FER: variants seen among roughly 807,000 people sequenced by gnomAD.
The protein encoded by FER is FER tyrosine kinase, also known as tyrosine-protein kinase Fer.
A neutral mutation model predicts 111.0 loss-of-function variants in FER; 63 were observed. The ratio of observed to expected loss-of-function variants is 0.57; its 90% CI spans 0.46 to 0.70. The LOEUF (loss-of-function observed/expected upper bound fraction) is 0.70. Ranked by LOEUF, FER falls within the 30% of genes least tolerant of loss-of-function variation. FER has a pLI of 0.00. For synonymous variants in FER, 327 were observed against 313.9 expected (o/e 1.04, Z -0.44); for missense variants, 914 against 954.0 (o/e 0.96, Z 0.55).
chr5:109,094,227 C>T (rs561927055), intron 16 of FER, among the ~76,000 whole-genome samples: 4 of 150,168 alleles, frequency 2.7e-5, no homozygotes, highest in Admixed American at 1.3e-4. Flanking sequence ...TCTGGTGCTA[C>T]AAAAACAGAG....
chr5:109,106,546 C>T (rs891592063), intron 17 of FER, among the ~76,000 whole-genome samples: 7 of 151,808 alleles, frequency 4.6e-5, no homozygotes, highest in African/African-American at 1.7e-4. Flanking sequence ...AGCTTTGAAA[C>T]CAATTTTGCT....
In FER at chr5:108,988,283, T is replaced by TATTAGGA. The variant is rs552035490; in HGVS notation, c.1656+28937_1656+28943dup. On this transcript the variant is annotated intron_variant, in intron 13 of 19. Coordinates refer to ENST00000281092, the MANE Select transcript of FER (RefSeq NM_005246.4). ...TTGCTCTGTCCTTTTCTGATTTTGA[T>TATTAGGA]ATTAGGATGATATTGGCTTCATAGA... Among the ~76,000 whole-genome samples the TATTAGGA allele has an allele frequency of 4.5e-3, 688 of 152,288 alleles. 3 individuals carry two copies. Among genetic ancestry groups the TATTAGGA allele is most frequent in the African/African-American group, 0.016 (653 of 41,568 alleles).
At position 108,760,412 on chromosome 5, in the gene FER, C is replaced by T. The variant is rs377400405; in HGVS notation, c.-205-7681C>T. On this transcript the variant is annotated intron_variant, in intron 1 of 19. Coordinates refer to ENST00000281092, the MANE Select transcript of FER (RefSeq NM_005246.4). ...TCTGTCCTTTGAAGCTTTGAAGTCA[C>T]GCATTAACTTTTCTTCTGTAGCTAT... Among the ~76,000 whole-genome samples, 47 of 152,296 alleles carry T rather than the reference C, an allele frequency of 3.1e-4. 1 individual carries two copies. Among genetic ancestry groups the T allele is most frequent in the Middle Eastern group, 3.4e-3 (1 of 294 alleles).
intron 12 of FER, among the ~76,000 whole-genome samples, chr5:108,955,285 T>C (rs1432876784): frequency 6.6e-6 from 1 of 151,770 alleles, no homozygotes; most frequent in Non-Finnish European, 1.5e-5. Context: ...ATGAAACTTA[T>C]ACTTTTGAAA....
intron 3 of FER, among the ~76,000 whole-genome samples, chr5:108,829,698 A>T (rs1209294619): frequency 6.6e-6 from 1 of 151,688 alleles, no homozygotes; most frequent in Non-Finnish European, 1.5e-5. Flanking sequence ...TTTATTCTAC[A>T]TTCCTCCTTC....
intron 13 of FER, among the ~76,000 whole-genome samples, chr5:108,979,662 T>A (rs1178635232): frequency 6.6e-6 from 1 of 152,198 alleles, no homozygotes; most frequent in African/African-American, 2.4e-5. Context: ...ACAATAGAAG[T>A]TTCTCTCTGT....
At chr5:108,920,270 T>C (rs1225168967) in intron 10 of FER, among the ~76,000 whole-genome samples, 1 of 152,116 alleles carries the variant, frequency 6.6e-6, no homozygotes, top group Admixed American at 6.5e-5. Context: ...CCAAAAGTTA[T>C]CACCCTGCAA....
intron 8 of FER, among the ~76,000 whole-genome samples, chr5:108,882,537 G>T (rs1428436130): frequency 1.3e-5 from 2 of 151,502 alleles, no homozygotes; most frequent in African/African-American, 4.8e-5. Flanking sequence ...ATATTAGTTT[G>T]TCTTTTTTCT....
chr5:108,867,891 C>G lies in FER; in HGVS notation c.606C>G (p.Ile202Met). The G allele has an allele frequency of 6.2e-7, 1 of 1,613,102 alleles. No individual in the cohort carries two copies. Among genetic ancestry groups the G allele is most frequent in the Non-Finnish European group, 8.5e-7 (1 of 1,179,428 alleles). ...AQLHQNQYYD[I>M]TLPLLLDSLQ... is the part of the protein sequence containing the mutation. ...TCCATCAGAATCAGTATTATGATAT[C>G]ACACTTCCCCTGCTTCTGGACTCCT... Residue 202 changes from isoleucine to methionine, a missense_variant, in exon 6 of 20, where the codon ATC (isoleucine) becomes ATG (methionine). Coordinates refer to ENST00000281092, the MANE Select transcript of FER (RefSeq NM_005246.4).
intron 17 of FER, among the ~76,000 whole-genome samples, chr5:109,118,335 CT>C (rs931523765): frequency 7.8e-4 from 119 of 152,242 alleles, no homozygotes; most frequent in Non-Finnish European, 7.4e-4. Flanking sequence ...TTGAACCAGC[CT>C]TGCATCCCAG....
intron 8 of FER, among the ~76,000 whole-genome samples, chr5:108,882,484 A>AT (rs1291156507): frequency 6.6e-6 from 1 of 151,524 alleles, no homozygotes; most frequent in Non-Finnish European, 1.5e-5. Flanking sequence ...TGATCATTTA[A>AT]TTTTTTCATG....
rs78617715 is a variant in FER, at chr5:109,012,597, C to T, written c.1657-24825C>T. Among the ~76,000 whole-genome samples, 1,043 of 152,228 alleles carry T rather than the reference C, an allele frequency of 6.9e-3. 12 individuals carry two copies. The highest frequency in any genetic ancestry group is 0.024 in the African/African-American group (991 of 41,536). ...TAAAGCCTTTCCAAAAATTTGAGAC[C>T]TGTGTGGTATCATTGCGATGGCACT... On this transcript the variant is annotated intron_variant, in intron 13 of 19. Transcript: ENST00000281092.
chr5:109,060,175 A>G (rs1165879346), intron 16 of FER, among the ~76,000 whole-genome samples: 1 of 152,110 alleles, frequency 6.6e-6, no homozygotes, highest in East Asian at 1.9e-4. Flanking sequence ...GGGGATAGAC[A>G]ATAGACAGGC....
At chr5:109,029,371 A>G (rs1057099076) in intron 13 of FER, among the ~76,000 whole-genome samples, 2 of 140,624 alleles carry the variant, frequency 1.4e-5, no homozygotes, top group African/African-American at 5.4e-5. Flanking sequence ...AGCATTAGGT[A>G]TATCTCCCAA....
intron 17 of FER, among the ~76,000 whole-genome samples, chr5:109,164,544 G>A (rs1379250277): frequency 6.6e-6 from 1 of 152,034 alleles, no homozygotes; most frequent in African/African-American, 2.4e-5. Context: ...ATTGAATTGT[G>A]TTTCTTTTAT....
chr5:109,010,213 A>C (rs1766063281), intron 13 of FER, among the ~76,000 whole-genome samples: 1 of 152,090 alleles, frequency 6.6e-6, no homozygotes, highest in African/African-American at 2.4e-5. Context: ...GCTAGAGTGC[A>C]GTGGCACAAT....
chr5:108,846,326 T>G (rs1215565522), intron 5 of FER, among the ~76,000 whole-genome samples: 1 of 152,038 alleles, frequency 6.6e-6, no homozygotes, highest in African/African-American at 2.4e-5. Flanking sequence ...TTGTCCCAGC[T>G]ACTTGGGAGG....
chr5:109,180,084 C>T (rs904422026), intron 17 of FER, among the ~76,000 whole-genome samples: 5 of 152,102 alleles, frequency 3.3e-5, no homozygotes, highest in African/African-American at 1.2e-4. Flanking sequence ...TTAGGGAACT[C>T]GTCCTGCATT....
intron 8 of FER, among the ~76,000 whole-genome samples, chr5:108,880,110 G>A (rs1014821477): frequency 1.3e-5 from 2 of 151,932 alleles, no homozygotes; most frequent in Non-Finnish European, 2.9e-5. Context: ...GTTTATTATT[G>A]TATCCCTACT....
Sources: allele counts gnomAD v4.1 joint callset (sites outside exome capture counted in the v4.1 genomes callset), GRCh38; gene constraint gnomAD v4.1.1; transcripts MANE v1.5; gene names NCBI Gene and HGNC (gene_info 2026-07-23, HGNC 2026-07-21).